FREM1: variants seen among roughly 807,000 people sequenced by gnomAD.
FREM1 encodes FRAS1-related extracellular matrix protein 1.
In FREM1, 220 loss-of-function variants were observed where a neutral mutation model predicts 210.1. The ratio of observed to expected loss-of-function variants is 1.05; its 90% CI spans 0.94 to 1.17. The LOEUF (loss-of-function observed/expected upper bound fraction) is 1.17, where lower values mean the gene tolerates loss of function less well. Ranked by LOEUF, FREM1 falls within the 50% of genes most tolerant of loss-of-function variation. The pLI, the probability that FREM1 is intolerant of heterozygous loss-of-function variation, is 0.00. For synonymous variants in FREM1, 1,189 were observed against 980.2 expected (o/e 1.21, Z -3.98); for missense variants, 3,454 against 2,675.5 (o/e 1.29, Z -6.42).
intron 3 of FREM1, among the ~76,000 whole-genome samples, chr9:14,860,629 A>G (rs185079155): frequency 0.011 from 1,514 of 143,794 alleles, 33 homozygotes; most frequent in African/African-American, 0.038. Context: ...ATATATACAC[A>G]TATATACACA....
Position 14,805,159 on chromosome 9 carries a change from C to G in FREM1, c.3275-7G>C. 1.3e-6 allele frequency: 2 copies of G among 1,530,434 alleles called. No homozygotes were observed. Among genetic ancestry groups the G allele is most frequent in the East Asian group, 4.5e-5 (2 of 43,964 alleles). The allele number at this position is 1,530,434 out of a possible 1,614,324, so 94.8% of individuals were successfully genotyped here. A position where few individuals can be genotyped will look rare whatever the true frequency, so the allele number is the denominator to read the frequency against. On this transcript the variant is annotated splice_polypyrimidine_tract_variant and splice_region_variant and intron_variant, in intron 18 of 36. Coordinates refer to ENST00000380880, the MANE Select transcript of FREM1 (RefSeq NM_001379081.2). ...TCTTTCCACTGAAATGAATCTAGAG[C>G]ACACCAAGATGGAACAGATAAATAA... is the stretch of plus-strand genomic sequence containing the variant.
At chr9:14,741,850 C>T (rs1841629335) in intron 35 of FREM1, among the ~76,000 whole-genome samples, 1 of 152,156 alleles carries the variant, frequency 6.6e-6, no homozygotes, top group Admixed American at 6.5e-5. Flanking sequence ...TATTTAACAT[C>T]TTCTCTAGCT....
At chr9:14,775,127 TCAC>T (rs777712799) in intron 25 of FREM1, among the ~76,000 whole-genome samples, 3 of 152,204 alleles carry the variant, frequency 2.0e-5, no homozygotes, top group Non-Finnish European at 2.9e-5. Flanking sequence ...TACTGAATTC[TCAC>T]CACAATGCTG....
At chr9:14,868,213 C>T (rs1831902339) in intron 2 of FREM1, among the ~76,000 whole-genome samples, 1 of 152,190 alleles carries the variant, frequency 6.6e-6, no homozygotes, top group Admixed American at 6.5e-5. Flanking sequence ...AAATCTTGAT[C>T]TCTTATCCAA....
At chr9:14,741,168 T>C (rs555872536) in intron 35 of FREM1, among the ~76,000 whole-genome samples, 3 of 152,292 alleles carry the variant, frequency 2.0e-5, no homozygotes, top group African/African-American at 7.2e-5. Context: ...ACCATGATCT[T>C]TTTGCCTGGT....
At chr9:14,767,132 G>C (rs917267060) in intron 27 of FREM1, among the ~76,000 whole-genome samples, 2 of 152,154 alleles carry the variant, frequency 1.3e-5, no homozygotes, top group African/African-American at 4.8e-5. Context: ...ATGAAGGGCA[G>C]AGCCAAAGCT....
intron 1 of FREM1, among the ~76,000 whole-genome samples, chr9:14,900,562 T>A (rs1838601397): frequency 1.3e-5 from 2 of 151,498 alleles, no homozygotes; most frequent in African/African-American, 2.4e-5. Context: ...CAAGACCCAG[T>A]GTGGTGGTGG....
chr9:14,814,354 T>C (rs905034009), intron 15 of FREM1, among the ~76,000 whole-genome samples: 30 of 152,210 alleles, frequency 2.0e-4, no homozygotes, highest in Admixed American at 1.4e-3. Context: ...CATCATCATA[T>C]TCTAAATATC....
chr9:14,772,036 C>T (rs1410283872), intron 25 of FREM1, among the ~76,000 whole-genome samples: 2 of 151,718 alleles, frequency 1.3e-5, no homozygotes, highest in Admixed American at 6.6e-5. Flanking sequence ...ATTACAACTC[C>T]TCCTCTGTTT....
rs777518304 is a variant in FREM1, at chr9:14,770,776, T to A, written c.4888A>T (p.Ile1630Phe). The A allele has an allele frequency of 1.1e-5, 17 of 1,612,960 alleles. No homozygotes were observed. The highest frequency in any genetic ancestry group is 3.3e-5 in the South Asian group (3 of 90,964). Reference sequence around the variant, plus strand: ...TGAGAAGGGGAATGCAAGAGTGTGATACGAGGAGCTGTTTTGTCCAATTGG... The same window carrying A: ...TGAGAAGGGGAATGCAAGAGTGTGAAACGAGGAGCTGTTTTGTCCAATTGG... ...VDQLDKTAPR[I>F]TLLHSPSQVG... Residue 1630 changes from isoleucine (I) to phenylalanine (F), a missense_variant, in exon 26 of 37, where the codon ATC becomes TTC. Ile to Phe is a conservative substitution (Grantham distance 21). Transcript: ENST00000380880.
Position 14,869,222 on chromosome 9 carries a change from G to A in FREM1, c.-245C>T, listed in dbSNP as rs1832116484. On this transcript the variant is annotated 5_prime_UTR_variant, in exon 2 of 37. Coordinates refer to ENST00000380880, the MANE Select transcript of FREM1 (RefSeq NM_001379081.2). ...CTGACAACGCCGGCAAGATTAATGG[G>A]CTTCCCAAGTGCTTTTCTAATCCTG... is the stretch of plus-strand genomic sequence containing the variant. 4.8e-6 allele frequency: 2 copies of A among 416,094 alleles called. No individual in the cohort carries two copies. Among genetic ancestry groups the A allele is most frequent in the Non-Finnish European group, 8.6e-6 (2 of 232,574 alleles). 25.8% of individuals were successfully genotyped at this position (416,094 alleles called of 1,614,324 possible).
chr9:14,832,295 A>AT (rs1289772950), intron 10 of FREM1, among the ~76,000 whole-genome samples: 1 of 152,234 alleles, frequency 6.6e-6, no homozygotes, highest in Non-Finnish European at 1.5e-5. Flanking sequence ...CCGATTTTCT[A>AT]ACTACCCTAA....
At position 14,805,554 on chromosome 9, in the gene FREM1, C is replaced by T. The variant is rs79008101; in HGVS notation, c.3275-402G>A. Among the ~76,000 whole-genome samples, 797 of 152,292 alleles carry T rather than the reference C, an allele frequency of 5.2e-3. 6 individuals are homozygous for T. The highest frequency in any genetic ancestry group is 0.019 in the African/African-American group (771 of 41,560). On this transcript the variant is annotated intron_variant, in intron 18 of 36. Coordinates refer to ENST00000380880, the MANE Select transcript of FREM1 (RefSeq NM_001379081.2). ...ACGTAAACGCAAAACAAGAGTCAATCAATCATCTGCCTACTTGAAGAGGTA... is the reference window on the plus strand; with the variant it reads ...ACGTAAACGCAAAACAAGAGTCAATTAATCATCTGCCTACTTGAAGAGGTA...
At position 14,842,299 on chromosome 9, in the gene FREM1, A is replaced by C. The variant is rs779370483; in HGVS notation, c.1738+17T>G. 1 of 1,461,970 alleles carries C rather than the reference A, an allele frequency of 6.8e-7. No individual in the cohort carries two copies. The highest frequency in any genetic ancestry group is 1.3e-5 in the South Asian group (1 of 74,806). The allele number at this position is 1,461,970 out of a possible 1,614,324, so 90.6% of individuals were successfully genotyped here. Reference sequence around the variant, plus strand: ...GAGTGAATTCCATTCAAATGATCTTAACTGCCCAGAACTTACCTATCAGTC... The same window carrying C: ...GAGTGAATTCCATTCAAATGATCTTCACTGCCCAGAACTTACCTATCAGTC... On this transcript the variant is annotated intron_variant, in intron 9 of 36. Transcript: ENST00000380880.
At chr9:14,806,267 T>G (rs190960638) in intron 18 of FREM1, among the ~76,000 whole-genome samples, 2,143 of 116,420 alleles carry the variant, frequency 0.018, 45 homozygotes, top group African/African-American at 0.057. Context: ...TTTTTTTTTT[T>G]TTTTGAGACG....
At chr9:14,838,581 T>C (rs1347807360) in intron 10 of FREM1, among the ~76,000 whole-genome samples, 2 of 152,272 alleles carry the variant, frequency 1.3e-5, no homozygotes, top group Admixed American at 6.5e-5. Flanking sequence ...TTTACACTTA[T>C]TACCGCCCCA....
rs376108305 is a variant in FREM1 at position 14,792,272 on chromosome 9, G to A, written c.3981+471C>T. 3.0e-3 allele frequency among the ~76,000 whole-genome samples: 424 copies of A among 142,316 alleles called. 2 individuals carry two copies. Among genetic ancestry groups the A allele is most frequent in the African/African-American group, 0.01 (381 of 37,444 alleles). 93.4% of individuals were successfully genotyped at this position (142,316 alleles called of 152,430 possible). On this transcript the variant is annotated intron_variant, in intron 22 of 36. Transcript: ENST00000380880. ...GAAATACACACACCCACACACACAC[G>A]CACACACACACACACACACACACAC...
chr9:14,895,159 T>C (rs1290451425), intron 1 of FREM1, among the ~76,000 whole-genome samples: 1 of 152,322 alleles, frequency 6.6e-6, no homozygotes, highest in East Asian at 1.9e-4. Context: ...AAAAGTCTTA[T>C]TTGAGATTCC....
intron 35 of FREM1, among the ~76,000 whole-genome samples, chr9:14,744,176 C>A (rs1182815774): frequency 6.6e-6 from 1 of 151,936 alleles, no homozygotes; most frequent in Non-Finnish European, 1.5e-5. Context: ...ATGAAATACA[C>A]CAGTAGAGAA....
Sources: gnomAD v4.1 joint callset for allele counts (sites outside exome capture counted in the v4.1 genomes callset) on GRCh38, gnomAD v4.1.1 for gene constraint, MANE v1.5 for transcripts, NCBI Gene and HGNC (gene_info 2026-07-23, HGNC 2026-07-21) for gene names.